The following TRPM7 variants were observed in gnomAD, a reference collection of about 807,000 sequenced individuals.
The protein encoded by TRPM7 is LTRPC ion channel family member 7.
TRPM7 carries 134 observed loss-of-function variants against 229.7 expected under a neutral mutation model. The ratio of observed to expected loss-of-function variants is 0.58; its 90% CI spans 0.51 to 0.67. The LOEUF (loss-of-function observed/expected upper bound fraction) is 0.67, where lower values mean the gene tolerates loss of function less well. Ranked by LOEUF, TRPM7 falls within the 30% of genes least tolerant of loss-of-function variation. The pLI is 0.00. For missense variants in TRPM7, 1,901 were observed against 2,210.0 expected (o/e 0.86, Z 2.80); for synonymous variants, 699 against 715.2 (o/e 0.98, Z 0.36).
At chr15:50,602,701 T>A in intron 21 of TRPM7, among the ~76,000 whole-genome samples, 1 of 152,204 alleles carries the variant, frequency 6.6e-6, no homozygotes. Context: ...CCCAGCTTAG[T>A]TTAACTCTTA....
chr15:50,597,636 C>A (rs891493721), intron 22 of TRPM7, among the ~76,000 whole-genome samples: 2 of 152,116 alleles, frequency 1.3e-5, no homozygotes, highest in African/African-American at 2.4e-5. Flanking sequence ...GACAGCCAGG[C>A]GTGATGGCTC....
At chr15:50,620,036 C>A (rs1352940113) in intron 12 of TRPM7, among the ~76,000 whole-genome samples, 1 of 152,174 alleles carries the variant, frequency 6.6e-6, no homozygotes, top group African/African-American at 2.4e-5. Context: ...ATCACTGCAA[C>A]TTTACAATTG....
chr15:50,629,887 A>C (rs2060680391), intron 10 of TRPM7, among the ~76,000 whole-genome samples: 1 of 120,892 alleles, frequency 8.3e-6, no homozygotes, highest in South Asian at 2.5e-4. Flanking sequence ...TTTTGGAGAC[A>C]GTTTCACTCT....
At chr15:50,574,116 C>T (rs1159887246) in intron 36 of TRPM7, among the ~76,000 whole-genome samples, 158 bp downstream of exon 36, 6 of 152,136 alleles carry the variant, frequency 3.9e-5, no homozygotes, top group Admixed American at 3.9e-4. Context: ...ACTCAAGGCC[C>T]TGATGGCTAT....
chr15:50,607,944 A>T (rs895720546), intron 19 of TRPM7, among the ~76,000 whole-genome samples: 1 of 150,186 alleles, frequency 6.7e-6, no homozygotes, highest in Non-Finnish European at 1.5e-5. Flanking sequence ...AATTCCAGCC[A>T]CTCGGGAGGC....
chr15:50,603,089 C>T (rs1032895753), intron 21 of TRPM7, among the ~76,000 whole-genome samples: 1 of 152,000 alleles, frequency 6.6e-6, no homozygotes, highest in African/African-American at 2.4e-5. Context: ...CATAAGAATG[C>T]CAAAATGTGT....
In TRPM7 at chr15:50,614,154, A is replaced by G. The variant is rs367553041; in HGVS notation, c.1604T>C (p.Leu535Ser). The G allele has an allele frequency of 6.2e-7, 1 of 1,611,334 alleles. No homozygotes were observed. The highest frequency in any genetic ancestry group is 8.5e-7 in the Non-Finnish European group (1 of 1,179,004). Residue 535 changes from leucine (L) to serine (S), a missense_variant, in exon 14 of 39, where the codon TTA (leucine) becomes TCA (serine). Physicochemically the swap from Leu to Ser is moderately radical, Grantham distance 145. Around this residue, in one of 8 missense-constraint regions of TRPM7, gnomAD observed 794 missense variants for 881.9 expected, o/e 0.90. Transcript: ENST00000646667. Reference protein sequence around the residue: ...RCTYTRKRFRLIYNSLGGNNR... With the variant: ...RCTYTRKRFRSIYNSLGGNNR... ...ATTTCCACCAAGACTATTATATATT[A>G]ATCGAAAACGTTTCCTAGTATAGGT...
intron 1 of TRPM7, among the ~76,000 whole-genome samples, chr15:50,668,455 T>C (rs776172861): frequency 2.0e-5 from 3 of 152,218 alleles, no homozygotes; most frequent in Non-Finnish European, 2.9e-5. Flanking sequence ...ACCCCATTTC[T>C]CAATTTGGAG....
chr15:50,651,843 C>T (rs550681830), intron 3 of TRPM7, among the ~76,000 whole-genome samples: 110 of 151,638 alleles, frequency 7.3e-4, no homozygotes, highest in African/African-American at 2.5e-3. Context: ...GCTGAGATCG[C>T]GCCACTGCAC....
chr15:50,647,465 G>T (rs1404079679), intron 4 of TRPM7, among the ~76,000 whole-genome samples: 1 of 151,960 alleles, frequency 6.6e-6, no homozygotes, highest in Non-Finnish European at 1.5e-5. Context: ...AGAAAAACAG[G>T]CCGGGCACAG....
chr15:50,621,541 T>C (rs1308836152), intron 12 of TRPM7, among the ~76,000 whole-genome samples: 3 of 152,182 alleles, frequency 2.0e-5, no homozygotes, highest in Admixed American at 6.5e-5. Context: ...TTCCTAATCA[T>C]ATTAAAATTG....
In TRPM7 at chr15:50,603,175, T is replaced by C. The variant is rs28438964; in HGVS notation, c.2988+1691A>G. On this transcript the variant is annotated intron_variant, in intron 21 of 38. Coordinates refer to ENST00000646667, the MANE Select transcript of TRPM7 (RefSeq NM_017672.6). ...ATTAAGGGGGGGAAGACACATTCTC[T>C]TGGAGGGAAACAGTGCAGCGTGAAA... is the stretch of plus-strand genomic sequence containing the variant. 3.9e-3 allele frequency among the ~76,000 whole-genome samples: 596 copies of C among 152,276 alleles called. 8 individuals are homozygous for C. The highest frequency in any genetic ancestry group is 0.014 in the African/African-American group (579 of 41,550).
At chr15:50,677,290 T>C in intron 1 of TRPM7, among the ~76,000 whole-genome samples, 1 of 152,090 alleles carries the variant, frequency 6.6e-6, no homozygotes, top group East Asian at 1.9e-4. Flanking sequence ...TGACCTCATC[T>C]ACCCCTGATT....
chr15:50,600,202 C>T (rs542232267), intron 21 of TRPM7, among the ~76,000 whole-genome samples: 48 of 152,200 alleles, frequency 3.2e-4, no homozygotes, highest in Non-Finnish European at 5.9e-4. Context: ...TTCGGGAGGC[C>T]GAGGCAGGTG....
At chr15:50,673,366 T>C (rs931760236) in intron 1 of TRPM7, among the ~76,000 whole-genome samples, 13 of 152,200 alleles carry the variant, frequency 8.5e-5, no homozygotes, top group African/African-American at 1.9e-4. Context: ...GGTGCACCCA[T>C]TGCCCGACCG....
At chr15:50,661,393 A>T (rs2140913634) in intron 2 of TRPM7, among the ~76,000 whole-genome samples, 1 of 152,318 alleles carries the variant, frequency 6.6e-6, no homozygotes, top group South Asian at 2.1e-4. Flanking sequence ...GTTAAAAATA[A>T]AGCCACCAAA....
At chr15:50,617,346 A>AC (rs2060254622) in intron 13 of TRPM7, among the ~76,000 whole-genome samples, 1 of 150,760 alleles carries the variant, frequency 6.6e-6, no homozygotes, top group African/African-American at 2.4e-5. Context: ...AAAAAAAAAA[A>AC]AAACAAATCA....
chr15:50,652,810 G>A (rs769962567), intron 3 of TRPM7, among the ~76,000 whole-genome samples: 1 of 151,974 alleles, frequency 6.6e-6, no homozygotes, highest in Non-Finnish European at 1.5e-5. Flanking sequence ...AGATCAGCTT[G>A]GGTAACAAAA....
intron 7 of TRPM7, among the ~76,000 whole-genome samples, chr15:50,636,095 GAAGAAT>G (rs71124395): frequency 0.13 from 18,867 of 150,746 alleles, 1,315 homozygotes; most frequent in African/African-American, 0.2. Context: ...TAAAATTAGT[GAAGAAT>G]ATGAATTTTT....
Sources: gnomAD v4.1 joint callset for allele counts (sites outside exome capture counted in the v4.1 genomes callset) on GRCh38, gnomAD v4.1.1 for gene constraint, gnomAD v4.1.1 regional missense constraint, MANE v1.5 for transcripts, NCBI Gene and HGNC (gene_info 2026-07-23, HGNC 2026-07-21) for gene names.